The following EHBP1 variants were observed in gnomAD, a reference collection of about 807,000 sequenced individuals.
EHBP1 encodes the protein EH domain binding protein 1, also known as EH domain-binding protein 1.
In EHBP1, 55 loss-of-function variants were observed where a neutral mutation model predicts 144.0. That is an observed-to-expected ratio of 0.38 (90% CI 0.31 to 0.48). The LOEUF is 0.48. Ranked by LOEUF, EHBP1 falls within the 20% of genes least tolerant of loss-of-function variation. The pLI is 0.98. For synonymous variants in EHBP1, 469 were observed against 472.7 expected (o/e 0.99, Z 0.10); for missense variants, 1,200 against 1,364.2 (o/e 0.88, Z 1.90).
intron 12 of EHBP1, among the ~76,000 whole-genome samples, chr2:62,945,622 C>A (rs958145622): frequency 6.6e-6 from 1 of 152,102 alleles, no homozygotes; most frequent in Non-Finnish European, 1.5e-5. Flanking sequence ...TGGTGGCATG[C>A]ACCTGTAGTC....
chr2:62,807,046 CT>C (rs1454171133), intron 5 of EHBP1, among the ~76,000 whole-genome samples: 1 of 152,174 alleles, frequency 6.6e-6, no homozygotes, highest in Admixed American at 6.5e-5. Context: ...CCTGCAAATA[CT>C]GTGTTTTCAA....
At chr2:62,704,649 C>T (rs2034393729), upstream of EHBP1, among the ~76,000 whole-genome samples, 1 of 152,160 alleles carries the variant, frequency 6.6e-6, no homozygotes, top group Non-Finnish European at 1.5e-5. Context: ...CGGTCTCTTT[C>T]CCATTTTACT....
chr2:62,714,902 G>A (rs967516694), intron 2 of EHBP1, among the ~76,000 whole-genome samples: 3 of 152,122 alleles, frequency 2.0e-5, no homozygotes, highest in Non-Finnish European at 4.4e-5. Context: ...GACTTTTGGG[G>A]AGAGGAACTA....
chr2:62,744,769 G>A (rs2039001756), intron 2 of EHBP1, among the ~76,000 whole-genome samples: 1 of 151,996 alleles, frequency 6.6e-6, no homozygotes, highest in African/African-American at 2.4e-5. Flanking sequence ...GTGGCAGGAG[G>A]GTGCTAAGCA....
At position 62,752,238 on chromosome 2, in the gene EHBP1, G is replaced by A. The variant is rs184053113; in HGVS notation, c.162+4786G>A. Among the ~76,000 whole-genome samples the A allele has an allele frequency of 8.8e-3, 1,337 of 152,208 alleles. 5 individuals are homozygous for A. The highest frequency in any genetic ancestry group is 0.015 in the Admixed American group (229 of 15,290). On this transcript the variant is annotated intron_variant, in intron 3 of 22. Coordinates refer to ENST00000431489, the MANE Select transcript of EHBP1 (RefSeq NM_001142616.3). ...TTTATTTCTGCCTTCATTTCGTTAC[G>A]TACCCAGTAGCCATTCAGGAGCAGG...
Position 62,716,180 on chromosome 2 carries a change from AC to A in EHBP1, c.104+8891del, listed in dbSNP as rs910122743. Among the ~76,000 whole-genome samples the A allele has an allele frequency of 9.9e-5, 15 of 151,636 alleles. No individual in the cohort carries two copies. In the East Asian group the frequency reaches 1.2e-3, roughly 12 times the overall value. ...TACTTCCAGAATTTTCTGCCCCGCA[AC>A]CCCCCACCACGCCCCAACCCGGGAA... On this transcript the variant is annotated intron_variant, in intron 2 of 22. Coordinates refer to ENST00000431489, the MANE Select transcript of EHBP1 (RefSeq NM_001142616.3).
At chr2:62,862,038 G>A (rs2049600932) in intron 8 of EHBP1, among the ~76,000 whole-genome samples, 1 of 152,112 alleles carries the variant, frequency 6.6e-6, no homozygotes, top group Non-Finnish European at 1.5e-5. Flanking sequence ...AAAAGAAAAT[G>A]CTTAATTTAC....
chr2:62,967,397 A>G (rs1351217268), intron 14 of EHBP1, among the ~76,000 whole-genome samples: 1 of 152,232 alleles, frequency 6.6e-6, no homozygotes, highest in Non-Finnish European at 1.5e-5. Flanking sequence ...ATTTGTAGGA[A>G]TAACAGCAAA....
intron 7 of EHBP1, among the ~76,000 whole-genome samples, chr2:62,833,230 A>G (rs2046956808): frequency 6.6e-6 from 1 of 152,236 alleles, no homozygotes; most frequent in Non-Finnish European, 1.5e-5. Context: ...GTTTGAAGCT[A>G]GCAGAGGTTG....
chr2:62,731,438 A>G (rs951616676), intron 2 of EHBP1, among the ~76,000 whole-genome samples: 1 of 152,168 alleles, frequency 6.6e-6, no homozygotes, highest in African/African-American at 2.4e-5. Context: ...GACTTCCAGA[A>G]TGATTTGACT....
intron 2 of EHBP1, among the ~76,000 whole-genome samples, chr2:62,727,585 C>G (rs1443528252): frequency 2.0e-5 from 3 of 152,132 alleles, no homozygotes; most frequent in Non-Finnish European, 2.9e-5. Flanking sequence ...GCTTCTTTCA[C>G]TTAGCATTAT....
chr2:63,028,624 G>A (rs1367852323), intron 19 of EHBP1, among the ~76,000 whole-genome samples: 3 of 152,062 alleles, frequency 2.0e-5, no homozygotes, highest in East Asian at 1.9e-4. Context: ...GTAGTTGTCC[G>A]ACTGCATGAT....
chr2:63,007,029 C>T (rs1559057412), intron 19 of EHBP1, among the ~76,000 whole-genome samples: 1 of 151,802 alleles, frequency 6.6e-6, no homozygotes. Context: ...CAAGTTCTTT[C>T]AGAAACGTAT....
At chr2:62,680,436 T>C (rs561186327) in intron 1 of EHBP1, among the ~76,000 whole-genome samples, 2 of 152,358 alleles carry the variant, frequency 1.3e-5, no homozygotes, top group South Asian at 4.1e-4. Flanking sequence ...GCTTATGACT[T>C]AAAACTTATC....
At chr2:62,791,164 A>G (rs969096373) in intron 5 of EHBP1, among the ~76,000 whole-genome samples, 4 of 152,038 alleles carry the variant, frequency 2.6e-5, no homozygotes, top group Non-Finnish European at 4.4e-5. Context: ...CTTCACTCCC[A>G]GACTGAGGTT....
intron 2 of EHBP1, among the ~76,000 whole-genome samples, chr2:62,720,158 C>T (rs559748254): frequency 6.6e-6 from 1 of 152,238 alleles, no homozygotes; most frequent in South Asian, 2.1e-4. Flanking sequence ...GACCTGACTA[C>T]TTAATAAACA....
chr2:62,890,054 G>C (rs1410527510), intron 10 of EHBP1, among the ~76,000 whole-genome samples: 1 of 148,974 alleles, frequency 6.7e-6, no homozygotes, highest in Non-Finnish European at 1.5e-5. Flanking sequence ...CTCCGCCTCT[G>C]GGTTCAAGTG....
At chr2:62,947,947 G>A (rs1327147807) in intron 12 of EHBP1, among the ~76,000 whole-genome samples, 4 of 152,000 alleles carry the variant, frequency 2.6e-5, no homozygotes, top group African/African-American at 7.2e-5. Flanking sequence ...GCTCAATATG[G>A]ATTAGTCTAA....
At chr2:62,944,515 A>C (rs1000584183) in intron 12 of EHBP1, among the ~76,000 whole-genome samples, 2 of 152,166 alleles carry the variant, frequency 1.3e-5, no homozygotes, top group Non-Finnish European at 2.9e-5. Context: ...AGGCTGTACC[A>C]TCTAGGTTTG....
Sources: gnomAD v4.1 joint callset for allele counts (sites outside exome capture counted in the v4.1 genomes callset) on GRCh38, gnomAD v4.1.1 for gene constraint, MANE v1.5 for transcripts, NCBI Gene and HGNC (gene_info 2026-07-23, HGNC 2026-07-21) for gene names.